The following LRBA variants were observed in gnomAD, a reference collection of about 807,000 sequenced individuals.
LRBA encodes LPS responsive beige-like anchor protein, also known as lipopolysaccharide-responsive and beige-like anchor protein.
LRBA carries 176 observed loss-of-function variants against 330.0 expected under a neutral mutation model. The ratio of observed to expected loss-of-function variants is 0.53; its 90% CI spans 0.47 to 0.60. The LOEUF (loss-of-function observed/expected upper bound fraction) is 0.60, where lower values mean the gene tolerates loss of function less well. LRBA is among the 20% of genes least tolerant of loss of function. LRBA has a pLI of 0.00. For synonymous variants in LRBA, 1,230 were observed against 1,193.0 expected (o/e 1.03, Z -0.64); for missense variants, 3,259 against 3,444.8 (o/e 0.95, Z 1.35).
chr4:150,679,001 A>C (rs1328979448), intron 37 of LRBA, among the ~76,000 whole-genome samples: 2 of 152,184 alleles, frequency 1.3e-5, no homozygotes, highest in South Asian at 4.1e-4. Context: ...TTTAGTAAAA[A>C]AAAAATTAGA....
chr4:150,781,467 G>A (rs1487460830), intron 34 of LRBA, among the ~76,000 whole-genome samples: 1 of 152,214 alleles, frequency 6.6e-6, no homozygotes, highest in Non-Finnish European at 1.5e-5. Flanking sequence ...CCAGTGATAG[G>A]GAGCGGCTAT....
intron 37 of LRBA, among the ~76,000 whole-genome samples, chr4:150,607,073 T>G (rs2126553660): frequency 6.6e-6 from 1 of 152,226 alleles, no homozygotes; most frequent in South Asian, 2.1e-4. Flanking sequence ...GCTCTGTAAT[T>G]TAAGGAAGTT....
At chr4:150,679,099 A>T (rs1200234270) in intron 37 of LRBA, among the ~76,000 whole-genome samples, 1 of 152,214 alleles carries the variant, frequency 6.6e-6, no homozygotes, top group African/African-American at 2.4e-5. Context: ...GAATTTCACC[A>T]ATGAGTATAT....
chr4:150,735,268 G>A lies in LRBA; in HGVS notation c.5744C>T (p.Ala1915Val), dbSNP rs201500267. Residue 1915 changes from alanine (A) to valine (V), a missense_variant, in exon 36 of 57, where the codon GCG (alanine) becomes GTG (valine). By Grantham distance (64) the Ala-to-Val change is moderately conservative. Coordinates refer to ENST00000651943, the MANE Select transcript of LRBA (RefSeq NM_001364905.1). ...ATATGTGTAACCTACCTCAAATTCC[G>A]CATGTCTGTGAATATCTTCTGCTCT... is the stretch of plus-strand genomic sequence containing the variant. ...RQRAEDIHRH[A>V]EFESLCAQYS... 1.6e-4 allele frequency: 264 copies of A among 1,611,762 alleles called. No homozygotes were observed. The highest frequency in any genetic ancestry group is 5.3e-4 in the South Asian group (48 of 90,978).
At chr4:150,613,820 G>C (rs1193217996) in intron 37 of LRBA, among the ~76,000 whole-genome samples, 1 of 152,120 alleles carries the variant, frequency 6.6e-6, no homozygotes, top group African/African-American at 2.4e-5. Flanking sequence ...ATTGATTCTT[G>C]GGTCTGTATC....
chr4:150,317,627 C>T (rs888035846), intron 50 of LRBA, among the ~76,000 whole-genome samples: 7 of 152,168 alleles, frequency 4.6e-5, no homozygotes, highest in African/African-American at 1.7e-4. Context: ...GTGCCACTTA[C>T]TTCCAGCAAT....
At chr4:150,462,683 A>G in intron 44 of LRBA, among the ~76,000 whole-genome samples, 1 of 151,860 alleles carries the variant, frequency 6.6e-6, no homozygotes, top group African/African-American at 2.4e-5. Context: ...GCAAAATTAA[A>G]TAGATATAAA....
At chr4:150,381,907 C>G (rs113344993) in intron 47 of LRBA, among the ~76,000 whole-genome samples, 35 of 152,328 alleles carry the variant, frequency 2.3e-4, no homozygotes, top group African/African-American at 8.2e-4. Flanking sequence ...TTCTCCATGA[C>G]TACTAATGTT....
chr4:150,716,865 G>C (rs985081122), intron 36 of LRBA, among the ~76,000 whole-genome samples: 1 of 152,188 alleles, frequency 6.6e-6, no homozygotes, highest in African/African-American at 2.4e-5. Flanking sequence ...GGGACAGACT[G>C]TACTGGGTTA....
chr4:150,614,125 C>T (rs905445993), intron 37 of LRBA, among the ~76,000 whole-genome samples: 1 of 152,226 alleles, frequency 6.6e-6, no homozygotes, highest in African/African-American at 2.4e-5. Context: ...CGGATTTAGA[C>T]TCTTGCTAAT....
chr4:150,948,079 T>C (rs759206753), intron 2 of LRBA, among the ~76,000 whole-genome samples: 13 of 152,038 alleles, frequency 8.6e-5, no homozygotes, highest in Non-Finnish European at 1.6e-4. Context: ...AGATCTAACA[T>C]AGTTCCCATC....
chr4:150,981,799 A>G (rs1740871626), intron 2 of LRBA, among the ~76,000 whole-genome samples: 1 of 151,958 alleles, frequency 6.6e-6, no homozygotes, highest in African/African-American at 2.4e-5. Context: ...TGTCTACTAA[A>G]AATACAAAAA....
At chr4:150,779,617 CTT>C (rs1376890920) in intron 34 of LRBA, among the ~76,000 whole-genome samples, 1 of 151,868 alleles carries the variant, frequency 6.6e-6, no homozygotes, top group Non-Finnish European at 1.5e-5. Context: ...TGTCTAGACA[CTT>C]TTTAACTCGA....
chr4:150,700,758 C>CTTTTT (rs35721808), intron 36 of LRBA, among the ~76,000 whole-genome samples: 1 of 141,926 alleles, frequency 7.0e-6, no homozygotes, highest in African/African-American at 2.6e-5. Context: ...CTATAATTTC[C>CTTTTT]TTTTTTTTTT....
At chr4:150,938,698 C>G (rs1169492157) in intron 2 of LRBA, among the ~76,000 whole-genome samples, 1 of 152,132 alleles carries the variant, frequency 6.6e-6, no homozygotes, top group African/African-American at 2.4e-5. Flanking sequence ...CAGTAGCCAT[C>G]CTGGAATTGA....
At chr4:150,534,713 A>G (rs1249573115) in intron 40 of LRBA, among the ~76,000 whole-genome samples, 4 of 152,180 alleles carry the variant, frequency 2.6e-5, no homozygotes, top group African/African-American at 4.8e-5. Context: ...TTAACATTTA[A>G]TATTATTTAG....
chr4:150,797,500 GT>G lies in LRBA; in HGVS notation c.5580+580del, dbSNP rs77546765. Among the ~76,000 whole-genome samples the G allele has an allele frequency of 4.6e-3, 700 of 151,652 alleles. 6 individuals carry two copies. The highest frequency in any genetic ancestry group is 0.016 in the African/African-American group (668 of 41,396). On this transcript the variant is annotated intron_variant, in intron 34 of 56. Coordinates refer to ENST00000651943, the MANE Select transcript of LRBA (RefSeq NM_001364905.1). ...CACAGGATACATGATTTTTATATAAGTTTTTTTTAAAAAAATCATTAAAGTT... is the reference window on the plus strand; with the variant it reads ...CACAGGATACATGATTTTTATATAAGTTTTTTTAAAAAAATCATTAAAGTT...
At chr4:150,429,598 A>T (rs1750102534) in intron 46 of LRBA, among the ~76,000 whole-genome samples, 1 of 152,248 alleles carries the variant, frequency 6.6e-6, no homozygotes, top group Non-Finnish European at 1.5e-5. Flanking sequence ...ATTCAAATGG[A>T]GATGTCGAGG....
chr4:150,447,332 G>T (rs1752736374), intron 44 of LRBA, among the ~76,000 whole-genome samples: 1 of 152,190 alleles, frequency 6.6e-6, no homozygotes, highest in Non-Finnish European at 1.5e-5. Flanking sequence ...ACAGTATATA[G>T]ATTTCTTTCT....
Sources: gnomAD v4.1 joint callset for allele counts (sites outside exome capture counted in the v4.1 genomes callset) on GRCh38, gnomAD v4.1.1 for gene constraint, MANE v1.5 for transcripts, NCBI Gene and HGNC (gene_info 2026-07-23, HGNC 2026-07-21) for gene names.